Variants in LYPLAL1 observed in about 807,000 individuals in gnomAD.
The protein encoded by LYPLAL1 is lysophospholipase like 1.
In LYPLAL1, 23 loss-of-function variants were observed where a neutral mutation model predicts 19.7. The ratio of observed to expected loss-of-function variants is 1.17; its 90% CI spans 0.84 to 1.65. The LOEUF is 1.65. LYPLAL1 is among the 40% of genes most tolerant of loss of function. The pLI, the probability that LYPLAL1 is intolerant of heterozygous loss-of-function variation, is 0.00. For synonymous variants in LYPLAL1, 119 were observed against 96.3 expected, an observed-to-expected ratio of 1.24 and a Z score of -1.38; for missense variants, 355 against 279.4, an observed-to-expected ratio of 1.27 and a Z score of -1.93.
the LYPLAL1 span, among the ~76,000 whole-genome samples, chr1:219,439,052 C>G: frequency 6.6e-6 from 1 of 152,160 alleles, no homozygotes; most frequent in African/African-American, 2.4e-5. Context: ...CCGACTCACT[C>G]AAACTCTATT....
the LYPLAL1 span, among the ~76,000 whole-genome samples, chr1:219,306,773 G>GATAGATAGATAA: frequency 6.6e-6 from 1 of 150,834 alleles, no homozygotes. Flanking sequence ...TAGATAGATA[G>GATAGATAGATAA]ATAGATAGAT....
the LYPLAL1 span, among the ~76,000 whole-genome samples, chr1:219,327,727 GT>G: frequency 6.6e-6 from 1 of 152,138 alleles, no homozygotes; most frequent in Admixed American, 6.5e-5. Context: ...AATGGGGTCA[GT>G]TTTCCCCATA....
At chr1:219,412,524 A>G in the LYPLAL1 span, among the ~76,000 whole-genome samples, 2 of 152,238 alleles carry the variant, frequency 1.3e-5, no homozygotes, top group African/African-American at 4.8e-5. Context: ...TCAGATGCAT[A>G]GCATGATACC....
chr1:219,422,164 G>A, the LYPLAL1 span, among the ~76,000 whole-genome samples: 3 of 152,202 alleles, frequency 2.0e-5, no homozygotes, highest in East Asian at 3.8e-4. Context: ...CTGTAAAAGG[G>A]CAATTAGTAA....
chr1:219,312,740 T>C, the LYPLAL1 span, among the ~76,000 whole-genome samples: 1 of 152,186 alleles, frequency 6.6e-6, no homozygotes, highest in Non-Finnish European at 1.5e-5. Flanking sequence ...TCAAAGCATA[T>C]GACTTCAGGT....
the LYPLAL1 span, among the ~76,000 whole-genome samples, chr1:219,348,399 C>A: frequency 6.6e-6 from 1 of 152,214 alleles, no homozygotes; most frequent in South Asian, 2.1e-4. Context: ...TGTAAATCTC[C>A]TTCATGGATC....
the LYPLAL1 span, among the ~76,000 whole-genome samples, chr1:219,379,780 A>T: frequency 6.6e-6 from 1 of 152,250 alleles, no homozygotes; most frequent in East Asian, 1.9e-4. Flanking sequence ...AGTGCATGCT[A>T]TACAAGTAAG....
At chr1:219,343,995 C>T in the LYPLAL1 span, among the ~76,000 whole-genome samples, 1 of 152,090 alleles carries the variant, frequency 6.6e-6, no homozygotes. Flanking sequence ...AGGCAATTCC[C>T]TTTAAATTCT....
chr1:219,282,875 G>T, the LYPLAL1 span, among the ~76,000 whole-genome samples: 6 of 151,900 alleles, frequency 3.9e-5, no homozygotes, highest in African/African-American at 1.5e-4. Context: ...TGAAGGGAAG[G>T]TTCATGATTA....
the LYPLAL1 span, among the ~76,000 whole-genome samples, chr1:219,228,068 C>T: frequency 7.2e-5 from 11 of 152,264 alleles, no homozygotes; most frequent in African/African-American, 2.2e-4. Context: ...ACGGCTTCAG[C>T]GGTTCCAGGC....
the LYPLAL1 span, among the ~76,000 whole-genome samples, chr1:219,314,428 T>G: frequency 6.6e-6 from 1 of 152,000 alleles, no homozygotes; most frequent in African/African-American, 2.4e-5. Flanking sequence ...TGACAGAGAG[T>G]TTTTATTTTT....
chr1:219,321,463 G>A, the LYPLAL1 span, among the ~76,000 whole-genome samples: 7 of 152,204 alleles, frequency 4.6e-5, no homozygotes, highest in East Asian at 7.7e-4. Flanking sequence ...TCATTTGTCA[G>A]TTTTGGCTTT....
At chr1:219,426,063 C>G in the LYPLAL1 span, among the ~76,000 whole-genome samples, 2 of 152,130 alleles carry the variant, frequency 1.3e-5, no homozygotes, top group East Asian at 3.8e-4. Flanking sequence ...GCTTTCAGGG[C>G]TCAGCATGGG....
the LYPLAL1 span, among the ~76,000 whole-genome samples, chr1:219,313,339 G>A: frequency 6.6e-6 from 1 of 152,080 alleles, no homozygotes; most frequent in Non-Finnish European, 1.5e-5. Flanking sequence ...TTTTTCTCAT[G>A]TGACAAAAGC....
At chr1:219,178,064 A>G (rs1005673394) in intron 1 of LYPLAL1, among the ~76,000 whole-genome samples, 7 of 152,174 alleles carry the variant, frequency 4.6e-5, no homozygotes. Context: ...CAAACCATTC[A>G]GCAACTATAT....
the LYPLAL1 span, among the ~76,000 whole-genome samples, chr1:219,304,476 TC>T: frequency 6.6e-6 from 1 of 152,316 alleles, no homozygotes; most frequent in East Asian, 1.9e-4. Flanking sequence ...CAAAAGCCAT[TC>T]GTATGATTTC....
chr1:219,193,341 C>G (rs1657354063), intron 3 of LYPLAL1, 90 bp downstream of exon 3: 2 of 974,194 alleles, frequency 2.1e-6, no homozygotes, highest in Non-Finnish European at 3.0e-6. Context: ...TTTAGAAGCA[C>G]TTGTATATCA....
chr1:219,210,587 A>C lies in LYPLAL1; in HGVS notation c.417A>C (p.Gln139His). The change falls in exon 4 of 5, where the codon CAA becomes CAC. Residue 139 changes from glutamine (Q) to histidine (H), a missense_variant. Transcript: ENST00000366928. The stretch of plus-strand genomic sequence containing the variant: ...TACATTTAGCATATAGAAATCATCA[A>C]GATGTGGCAGGAGTATTTGCTCTTT... ...MAIHLAYRNH[Q>H]DVAGVFALSS... is the part of the protein sequence containing the mutation. 6.2e-7 allele frequency: 1 copy of C among 1,610,666 alleles called. No homozygotes were observed. The highest frequency in any genetic ancestry group is 8.5e-7 in the Non-Finnish European group (1 of 1,177,918).
At chr1:219,431,541 G>A in the LYPLAL1 span, among the ~76,000 whole-genome samples, 7 of 152,290 alleles carry the variant, frequency 4.6e-5, no homozygotes, top group South Asian at 2.1e-4. Flanking sequence ...TGAAGGTGAC[G>A]GTGTGGCTCT....
Sources: allele counts gnomAD v4.1 joint callset (sites outside exome capture counted in the v4.1 genomes callset), GRCh38; gene constraint gnomAD v4.1.1; transcripts MANE v1.5; gene names NCBI Gene and HGNC (gene_info 2026-07-23, HGNC 2026-07-21).